The following LRRC36 variants were observed in gnomAD, a reference collection of about 807,000 sequenced individuals.
LRRC36 encodes leucine-rich repeat-containing protein 36.
Under a neutral mutation model 81.1 loss-of-function variants are expected in LRRC36, and 62 were observed. That is an observed-to-expected ratio of 0.76 (90% CI 0.62 to 0.94). The LOEUF (loss-of-function observed/expected upper bound fraction) is 0.94, where lower values mean the gene tolerates loss of function less well. LRRC36 is among the 40% of genes least tolerant of loss of function. LRRC36 has a pLI of 0.00. For synonymous variants in LRRC36, 334 were observed against 348.6 expected, an observed-to-expected ratio of 0.96 and a Z score of 0.47; for missense variants, 761 against 881.7, an observed-to-expected ratio of 0.86 and a Z score of 1.73.
intron 5 of LRRC36, among the ~76,000 whole-genome samples, chr16:67,351,680 C>G (rs2038644794): frequency 6.6e-6 from 1 of 152,174 alleles, no homozygotes; most frequent in Non-Finnish European, 1.5e-5. Flanking sequence ...GCACTCTAGC[C>G]TGAGCGACAG....
chr16:67,366,308 T>C (rs1339568118), intron 7 of LRRC36, among the ~76,000 whole-genome samples: 1 of 152,030 alleles, frequency 6.6e-6, no homozygotes, highest in Admixed American at 6.6e-5. Flanking sequence ...CCACCACACC[T>C]GGCTAATTAA....
At chr16:67,355,196 ATTATGACTAGAACTG>A (rs2038840095) in intron 5 of LRRC36, among the ~76,000 whole-genome samples, 1 of 152,172 alleles carries the variant, frequency 6.6e-6, no homozygotes, top group African/African-American at 2.4e-5. Context: ...AGTTTTGGCA[ATTATGACTAGAACTG>A]TTATAAACAA....
At chr16:67,370,009 G>A (rs1342692492) in intron 8 of LRRC36, among the ~76,000 whole-genome samples, 4 of 152,152 alleles carry the variant, frequency 2.6e-5, no homozygotes, top group Admixed American at 2.6e-4. Context: ...GATCCTGGTA[G>A]AAGTGATCTA....
At chr16:67,369,546 A>G (rs1198434927) in intron 8 of LRRC36, among the ~76,000 whole-genome samples, 2 of 152,238 alleles carry the variant, frequency 1.3e-5, no homozygotes, top group Non-Finnish European at 2.9e-5. Flanking sequence ...CAGTAAAGTT[A>G]CTGAATATAG....
At chr16:67,331,756 G>C (rs372507781) in intron 1 of LRRC36, among the ~76,000 whole-genome samples, 4 of 152,108 alleles carry the variant, frequency 2.6e-5, no homozygotes, top group Non-Finnish European at 4.4e-5. Flanking sequence ...GGGAAGCCGA[G>C]GGGGGTGGAT....
At chr16:67,327,059 TG>T in intron 1 of LRRC36, 127 bp downstream of exon 1, 8 of 365,490 alleles carry the variant, frequency 2.2e-5, no homozygotes, top group South Asian at 1.1e-4. Flanking sequence ...TACCTGAGGC[TG>T]GGGGGCGGGG....
chr16:67,337,863 G>A (rs1204574854), intron 1 of LRRC36, among the ~76,000 whole-genome samples: 1 of 151,950 alleles, frequency 6.6e-6, no homozygotes, highest in Non-Finnish European at 1.5e-5. Context: ...AGGCAGGCGG[G>A]TCACCTGAGG....
chr16:67,375,186 T>G (rs908660587), intron 9 of LRRC36, 61 bp from the exon 10 acceptor site: 4 of 1,556,542 alleles, frequency 2.6e-6, no homozygotes, highest in Non-Finnish European at 2.6e-6. Flanking sequence ...CTTTATTGTG[T>G]AAGAATGACA....
At chr16:67,363,473 G>A (rs2039250958) in intron 5 of LRRC36, 117 bp from the exon 6 acceptor site, 1 of 919,834 alleles carries the variant, frequency 1.1e-6, no homozygotes. Flanking sequence ...TCCAAGTGGT[G>A]GCACCAGAAC....
chr16:67,370,810 G>A (rs987148604), intron 8 of LRRC36, 134 bp from the exon 9 acceptor site: 6 of 707,912 alleles, frequency 8.5e-6, no homozygotes, highest in South Asian at 1.8e-5. Context: ...CAGAGTTGGA[G>A]TTTTGTCAGA....
intron 9 of LRRC36, chr16:67,371,539 C>T: frequency 2.4e-6 from 1 of 410,392 alleles, no homozygotes; most frequent in East Asian, 5.2e-5. Context: ...ATCATATTTA[C>T]ACATTTGCTT....
Position 67,375,254 on chromosome 16 carries a change from C to T in LRRC36, c.1502C>T (p.Ser501Phe), listed in dbSNP as rs200059387. Residue 501 changes from serine to phenylalanine, a missense_variant, in exon 10 of 14, where the codon TCT (serine) becomes TTT (phenylalanine). By Grantham distance (155) the Ser-to-Phe change is radical. Around this residue, in one of 3 missense-constraint regions of LRRC36, gnomAD observed 359 missense variants for 388.4 expected, o/e 0.92. Transcript: ENST00000329956. The part of the protein sequence containing the change: ...FQDATGSEPL[S>F]SDLGSLHGLA... ...TTTTTTTTTTCTCTTGAGCCTCTCT[C>T]TAGTGACCTGGGTAGTTTGCACGGT... The T allele has an allele frequency of 2.5e-6, 4 of 1,611,300 alleles. No individual in the cohort carries two copies. In the South Asian group the frequency reaches 3.3e-5, roughly 13 times the overall value.
chr16:67,361,651 C>T (rs1436299840), intron 5 of LRRC36, among the ~76,000 whole-genome samples: 2 of 152,176 alleles, frequency 1.3e-5, no homozygotes, highest in Admixed American at 6.5e-5. Flanking sequence ...CAGCTCACAG[C>T]AACCTCTGCT....
chr16:67,366,185 A>G (rs530914533), intron 7 of LRRC36, among the ~76,000 whole-genome samples: 22 of 151,678 alleles, frequency 1.5e-4, no homozygotes, highest in African/African-American at 4.4e-4. Flanking sequence ...CAAGTTCTCA[A>G]TCTGTTGCCC....
chr16:67,353,016 C>T (rs1567480379), intron 5 of LRRC36, among the ~76,000 whole-genome samples: 1 of 152,066 alleles, frequency 6.6e-6, no homozygotes, highest in Non-Finnish European at 1.5e-5. Context: ...ATTTTATAGT[C>T]TTTCCTCATA....
At chr16:67,383,287 G>A (rs2040182280) in intron 13 of LRRC36, among the ~76,000 whole-genome samples, 1 of 152,042 alleles carries the variant, frequency 6.6e-6, no homozygotes, top group Middle Eastern at 3.2e-3. Flanking sequence ...TTTTCATTTG[G>A]TTAACTTTAT....
chr16:67,385,120 C>T lies in LRRC36; in HGVS notation c.*31C>T, dbSNP rs1204746301. The T allele has an allele frequency of 1.3e-6, 2 of 1,566,510 alleles. No homozygotes were observed. Reference sequence around the variant, plus strand: ...GCATGGAACTCACACCACAGCTTCCCTGGTCCACAGAGGCTCTCACCGCCA... The same window carrying T: ...GCATGGAACTCACACCACAGCTTCCTTGGTCCACAGAGGCTCTCACCGCCA... On this transcript the variant is annotated 3_prime_UTR_variant, in exon 14 of 14. Coordinates refer to ENST00000329956, the MANE Select transcript of LRRC36 (RefSeq NM_018296.6).
At chr16:67,374,987 G>A (rs1255872529) in intron 9 of LRRC36, among the ~76,000 whole-genome samples, 8 of 151,622 alleles carry the variant, frequency 5.3e-5, no homozygotes, top group African/African-American at 9.7e-5. Context: ...AAACTTAGCC[G>A]GGTGTGGTGG....
intron 8 of LRRC36, among the ~76,000 whole-genome samples, chr16:67,368,714 G>A (rs2039509145): frequency 6.6e-6 from 1 of 152,186 alleles, no homozygotes; most frequent in Non-Finnish European, 1.5e-5. Flanking sequence ...ACTATGGGGA[G>A]GAGGGTAGAA....
Sources: gnomAD v4.1 joint callset for allele counts (sites outside exome capture counted in the v4.1 genomes callset) on GRCh38, gnomAD v4.1.1 for gene constraint, gnomAD v4.1.1 regional missense constraint, MANE v1.5 for transcripts, NCBI Gene and HGNC (gene_info 2026-07-23, HGNC 2026-07-21) for gene names.